AKAP7: variants seen among roughly 807,000 people sequenced by gnomAD.
AKAP7 encodes A kinase (PRKA) anchor protein 7.
A neutral mutation model predicts 39.5 loss-of-function variants in AKAP7; 39 were observed. The observed-to-expected ratio is 0.99, with a 90% CI of 0.76 to 1.29. The LOEUF (loss-of-function observed/expected upper bound fraction) is 1.29, where lower values mean the gene tolerates loss of function less well. Ranked by LOEUF, AKAP7 falls within the 50% of genes most tolerant of loss-of-function variation. The pLI is 0.00. For synonymous variants in AKAP7, 140 were observed against 139.1 expected (o/e 1.01, Z -0.05); for missense variants, 414 against 407.7 (o/e 1.02, Z -0.13).
At position 131,281,918 on chromosome 6, in the gene AKAP7, C is replaced by T; in HGVS notation, c.*192C>T. 8.0e-7 allele frequency: 1 copy of T among 1,244,472 alleles called. No individual in the cohort carries two copies. Among genetic ancestry groups the T allele is most frequent in the Non-Finnish European group, 1.0e-6 (1 of 992,774 alleles). 77.1% of individuals were successfully genotyped at this position (1,244,472 alleles called of 1,614,324 possible). On this transcript the variant is annotated 3_prime_UTR_variant, in exon 8 of 8. Coordinates refer to ENST00000431975, the MANE Select transcript of AKAP7 (RefSeq NM_016377.4). The surrounding 1 kb of genome is among the most constrained non-coding windows in gnomAD (Gnocchi z 4.0). ...ACAGAAGAAAAATGGAGTGCTGGGA[C>T]TGGCAGAGGAAATTAATTGATGAAA...
intron 6 of AKAP7, among the ~76,000 whole-genome samples, chr6:131,206,095 TCAAA>T (rs1229617142): frequency 6.6e-6 from 1 of 152,210 alleles, no homozygotes; most frequent in Non-Finnish European, 1.5e-5. Context: ...AAGTTTCAAA[TCAAA>T]CAAACATCTT....
At chr6:131,270,341 C>T (rs1331195880) in intron 7 of AKAP7, among the ~76,000 whole-genome samples, 2 of 152,144 alleles carry the variant, frequency 1.3e-5, no homozygotes, top group Non-Finnish European at 2.9e-5. Flanking sequence ...CCCTTTGAAT[C>T]TAGTTTATTT....
chr6:131,169,216 G>A lies in AKAP7; in HGVS notation c.532G>A (p.Val178Ile). Residue 178 changes from valine (V) to isoleucine (I), a missense_variant, in exon 5 of 8, where the codon GTT (valine) becomes ATT (isoleucine). Transcript: ENST00000431975. ...AGGGATTGGTACTTTTGGAAATCAG[G>A]TTGGATTTGTGAAGCTGGCAGAAGG... The part of the protein sequence containing the change: ...FQGIGTFGNQ[V>I]GFVKLAEGDH... 1 of 1,614,116 alleles carries A rather than the reference G, an allele frequency of 6.2e-7. No homozygotes were observed. The highest frequency in any genetic ancestry group is 8.5e-7 in the Non-Finnish European group (1 of 1,179,990).
intron 7 of AKAP7, among the ~76,000 whole-genome samples, chr6:131,258,338 C>T (rs1435166190): frequency 3.9e-5 from 6 of 152,080 alleles, no homozygotes; most frequent in East Asian, 1.9e-4. Context: ...ATGCCTTGAA[C>T]GTAAAAAGCC....
At chr6:131,265,270 G>A (rs928784541) in intron 7 of AKAP7, among the ~76,000 whole-genome samples, 4 of 152,184 alleles carry the variant, frequency 2.6e-5, no homozygotes, top group Admixed American at 6.5e-5. Context: ...CAGTAACTGG[G>A]ATTACAGGCA....
chr6:131,249,121 G>T (rs935791929), intron 7 of AKAP7, among the ~76,000 whole-genome samples: 1 of 152,154 alleles, frequency 6.6e-6, no homozygotes, highest in African/African-American at 2.4e-5. Flanking sequence ...GGATAGACCT[G>T]CCAGTTTAAT....
chr6:131,261,367 G>A (rs1388955488), intron 7 of AKAP7, among the ~76,000 whole-genome samples: 2 of 152,020 alleles, frequency 1.3e-5, no homozygotes, highest in Non-Finnish European at 2.9e-5. Context: ...GTAACAGCTG[G>A]CAGTTGGTAC....
Position 131,281,521 on chromosome 6 carries a change from G to A in AKAP7, c.851-9G>A. The A allele has an allele frequency of 6.3e-7, 1 of 1,597,090 alleles. No homozygotes were observed. Among genetic ancestry groups the A allele is most frequent in the Non-Finnish European group, 8.5e-7 (1 of 1,171,578 alleles). ...CTCAGTGACCTCTCTTCTCTATTGT[G>A]GAATGTAGGTGAAAAGAACGGAGGG... On this transcript the variant is annotated splice_polypyrimidine_tract_variant and intron_variant, in intron 7 of 7. Coordinates refer to ENST00000431975, the MANE Select transcript of AKAP7 (RefSeq NM_016377.4). This position sits in a 1 kb window ranked among gnomAD's most constrained non-coding sequence, Gnocchi z 4.0.
intron 6 of AKAP7, among the ~76,000 whole-genome samples, chr6:131,209,233 C>A (rs753549105): frequency 6.6e-6 from 1 of 151,798 alleles, no homozygotes; most frequent in Non-Finnish European, 1.5e-5. Flanking sequence ...GCAGTTGCAT[C>A]TACAGATAAG....
intron 2 of AKAP7, among the ~76,000 whole-genome samples, chr6:131,154,348 C>T (rs780937592): frequency 9.9e-5 from 15 of 151,968 alleles, no homozygotes; most frequent in African/African-American, 2.9e-4. Flanking sequence ...TTAATATCAC[C>T]GCAAATTGTC....
At chr6:131,260,851 A>C (rs1171193342) in intron 7 of AKAP7, among the ~76,000 whole-genome samples, 1 of 152,168 alleles carries the variant, frequency 6.6e-6, no homozygotes, top group African/African-American at 2.4e-5. Context: ...CAAAATTTTC[A>C]TGAAAAAATG....
rs188574878 is a variant in AKAP7 at position 131,164,052 on chromosome 6, A to G, written c.292-1029A>G. Among the ~76,000 whole-genome samples, 24 of 152,292 alleles carry G rather than the reference A, an allele frequency of 1.6e-4. 1 individual carries two copies. The highest frequency in any genetic ancestry group is 1.5e-3 in the Admixed American group (23 of 15,296). ...AGCATCTCATGATTTGCACAATCAC[A>G]TTCCGCAGATAATGGGAACATTGTT... On this transcript the variant is annotated intron_variant, in intron 3 of 7. Transcript: ENST00000431975.
At chr6:131,157,491 C>T (rs936480509) in intron 2 of AKAP7, among the ~76,000 whole-genome samples, 1 of 152,166 alleles carries the variant, frequency 6.6e-6, no homozygotes, top group African/African-American at 2.4e-5. Context: ...TCTTCATTAG[C>T]ATATTTTGTT....
intron 2 of AKAP7, among the ~76,000 whole-genome samples, chr6:131,149,409 C>T (rs1438575903): frequency 3.3e-5 from 5 of 152,110 alleles, no homozygotes; most frequent in African/African-American, 7.2e-5. Flanking sequence ...CCGAGTTGGG[C>T]GGATCTTTTG....
At chr6:131,217,930 T>A (rs2128296351) in intron 6 of AKAP7, among the ~76,000 whole-genome samples, 1 of 152,300 alleles carries the variant, frequency 6.6e-6, no homozygotes, top group South Asian at 2.1e-4. Context: ...CACAAGCATT[T>A]AGAAGACAAG....
intron 5 of AKAP7, among the ~76,000 whole-genome samples, chr6:131,175,680 G>A (rs1015945123): frequency 6.6e-6 from 1 of 152,170 alleles, no homozygotes; most frequent in Non-Finnish European, 1.5e-5. Context: ...AAGTAGGAAA[G>A]TCACTCTCTG....
rs1391918577 is a variant in AKAP7, at chr6:131,168,990, G to A, written c.429-123G>A. 17 of 835,474 alleles carry A rather than the reference G, an allele frequency of 2.0e-5. No homozygotes were observed. The East Asian group carries it at 3.9e-4, about 19-fold the overall frequency. 51.8% of individuals were successfully genotyped at this position (835,474 alleles called of 1,614,324 possible). ...AGTTTAGATTTAGAAGGTATTTTGAGCCTTAAAATAATTAGTACAAATATC... is the reference window on the plus strand; with the variant it reads ...AGTTTAGATTTAGAAGGTATTTTGAACCTTAAAATAATTAGTACAAATATC... On this transcript the variant is annotated intron_variant, in intron 4 of 7. Coordinates refer to ENST00000431975, the MANE Select transcript of AKAP7 (RefSeq NM_016377.4).
chr6:131,130,086 T>C, the AKAP7 span, among the ~76,000 whole-genome samples: 2 of 152,222 alleles, frequency 1.3e-5, no homozygotes, highest in Non-Finnish European at 2.9e-5. Flanking sequence ...AAATGGGTCA[T>C]GTTTCAGGAA....
chr6:131,163,667 A>G (rs1803202693), intron 3 of AKAP7, among the ~76,000 whole-genome samples: 2 of 152,204 alleles, frequency 1.3e-5, no homozygotes, highest in Non-Finnish European at 2.9e-5. Flanking sequence ...TAAGCAATAG[A>G]ATTGGAAAGT....
Sources: gnomAD v4.1 joint callset for allele counts (sites outside exome capture counted in the v4.1 genomes callset) on GRCh38, gnomAD v4.1.1 for gene constraint, Gnocchi (gnomAD v3.1) non-coding constraint, MANE v1.5 for transcripts, NCBI Gene and HGNC (gene_info 2026-07-23, HGNC 2026-07-21) for gene names.